The following DUSP13A variants were observed in gnomAD, a reference collection of about 807,000 sequenced individuals.
DUSP13A encodes dual specificity protein phosphatase 13A.
At chr10:75,107,919 T>G in the DUSP13A span, 3 of 1,485,388 alleles carry the variant, frequency 2.0e-6, no homozygotes, top group Admixed American at 6.1e-5. Flanking sequence ...AGGGCACTGA[T>G]GACTGAGAGG....
the DUSP13A span, among the ~76,000 whole-genome samples, chr10:75,108,521 C>T: frequency 5.3e-5 from 8 of 152,160 alleles, no homozygotes; most frequent in African/African-American, 1.9e-4. Flanking sequence ...CCCCTCCCTT[C>T]TTGCCCCATG....
At chr10:75,106,274 CCT>C in the DUSP13A span, among the ~76,000 whole-genome samples, 23 of 151,924 alleles carry the variant, frequency 1.5e-4, no homozygotes, top group African/African-American at 5.6e-4. Flanking sequence ...AGAGCTGGCC[CCT>C]GTCGCCTCAT....
the DUSP13A span, chr10:75,108,048 C>G: frequency 6.2e-7 from 1 of 1,613,890 alleles, no homozygotes; most frequent in Non-Finnish European, 8.5e-7. Context: ...GAAGTAGGCA[C>G]TGATGTCAAA....
chr10:75,107,242 C>T, the DUSP13A span, among the ~76,000 whole-genome samples: 118 of 150,724 alleles, frequency 7.8e-4, 1 homozygote, highest in East Asian at 0.013. Context: ...GGCTGAGACA[C>T]GAAAATTGCT....
the DUSP13A span, among the ~76,000 whole-genome samples, chr10:75,106,853 G>A: frequency 6.6e-6 from 1 of 152,234 alleles, no homozygotes; most frequent in Non-Finnish European, 1.5e-5. Context: ...AGTCATGTGA[G>A]CTGTAATCTT....
the DUSP13A span, chr10:75,109,111 G>A: frequency 1.1e-5 from 17 of 1,611,548 alleles, no homozygotes; most frequent in Non-Finnish European, 1.2e-5. Context: ...GGGGCAAGGC[G>A]TGGCTTTGTC....
At chr10:75,107,584 T>C in the DUSP13A span, among the ~76,000 whole-genome samples, 2 of 151,964 alleles carry the variant, frequency 1.3e-5, no homozygotes, top group Non-Finnish European at 2.9e-5. Context: ...AGGACTTTTT[T>C]TTGGCGGGGG....
chr10:75,107,994 C>T, the DUSP13A span: 2 of 1,611,094 alleles, frequency 1.2e-6, no homozygotes, highest in South Asian at 1.1e-5. Context: ...AGTCCTACCC[C>T]CAGGCGTGTT....
chr10:75,106,848 T>A, the DUSP13A span, among the ~76,000 whole-genome samples: 1 of 152,206 alleles, frequency 6.6e-6, no homozygotes, highest in African/African-American at 2.4e-5. Flanking sequence ...TAAAAAGTCA[T>A]GTGAGCTGTA....
the DUSP13A span, among the ~76,000 whole-genome samples, chr10:75,106,099 TTC>T: frequency 1.8e-4 from 18 of 98,266 alleles, 1 homozygote; most frequent in African/African-American, 5.1e-4. Context: ...TTTCTTTCTT[TTC>T]TTTTTTTTTT....
the DUSP13A span, among the ~76,000 whole-genome samples, chr10:75,107,066 T>C: frequency 1.3e-5 from 2 of 152,286 alleles, no homozygotes; most frequent in East Asian, 3.9e-4. Context: ...CCGGGTGCGG[T>C]GGCTCATGCC....
the DUSP13A span, among the ~76,000 whole-genome samples, chr10:75,106,153 G>GCT: frequency 1.4e-5 from 2 of 146,738 alleles, no homozygotes; most frequent in African/African-American, 5.1e-5. Context: ...TGTTGCCCAG[G>GCT]CTGGTCTTGA....
At chr10:75,109,041 G>C in the DUSP13A span, 3 of 1,611,166 alleles carry the variant, frequency 1.9e-6, no homozygotes, top group South Asian at 2.2e-5. Flanking sequence ...GCCAAACTTC[G>C]TCCACACGGC....
At chr10:75,107,543 G>C in the DUSP13A span, among the ~76,000 whole-genome samples, 2 of 152,116 alleles carry the variant, frequency 1.3e-5, no homozygotes, top group African/African-American at 4.8e-5. Context: ...GGAAGGAATC[G>C]GGTTCGACAA....
the DUSP13A span, among the ~76,000 whole-genome samples, chr10:75,107,787 G>C: frequency 6.6e-6 from 1 of 152,184 alleles, no homozygotes; most frequent in Admixed American, 6.5e-5. Context: ...GTGTTGGCCA[G>C]GCTGGTCTTG....
the DUSP13A span, chr10:75,108,158 C>T: frequency 6.2e-7 from 1 of 1,612,682 alleles, no homozygotes; most frequent in Non-Finnish European, 8.5e-7. Flanking sequence ...CGGCGTTCAG[C>T]ACGTGGGTGA....
chr10:75,106,096 C>CTTTTTTTTTTTT, the DUSP13A span, among the ~76,000 whole-genome samples: 1 of 109,026 alleles, frequency 9.2e-6, no homozygotes, highest in African/African-American at 3.9e-5. Context: ...TCTTTTCTTT[C>CTTTTTTTTTTTT]TTTTCTTTTT....
the DUSP13A span, chr10:75,108,293 G>A: frequency 6.6e-7 from 1 of 1,506,792 alleles, no homozygotes; most frequent in South Asian, 1.3e-5. Flanking sequence ...GCTGCAGAGG[G>A]ACCGAGCCAT....
the DUSP13A span, chr10:75,105,694 T>G: frequency 1.3e-6 from 2 of 1,550,492 alleles, no homozygotes; most frequent in Non-Finnish European, 1.7e-6. Flanking sequence ...ACCCCGCAGT[T>G]GCTGGTCCAG....
Sources: allele counts gnomAD v4.1 joint callset (sites outside exome capture counted in the v4.1 genomes callset), GRCh38; gene constraint gnomAD v4.1.1; transcripts MANE v1.5; gene names NCBI Gene and HGNC (gene_info 2026-07-23, HGNC 2026-07-21).